Variants in FOXO3 observed in about 807,000 individuals in gnomAD.
The protein encoded by FOXO3 is forkhead box protein O3.
A neutral mutation model predicts 41.9 loss-of-function variants in FOXO3; 4 were observed. That is an observed-to-expected ratio of 0.10 (90% CI 0.05 to 0.22). The LOEUF (loss-of-function observed/expected upper bound fraction) is 0.22, where lower values mean the gene tolerates loss of function less well. FOXO3 is among the 10% of genes least tolerant of loss of function. FOXO3 has a pLI of 1.00. For missense variants in FOXO3, 534 were observed against 906.8 expected (o/e 0.59, Z 5.28); for synonymous variants, 318 against 389.3 (o/e 0.82, Z 2.16).
chr6:108,607,947 T>C (rs1777252852), intron 1 of FOXO3, among the ~76,000 whole-genome samples: 1 of 152,248 alleles, frequency 6.6e-6, no homozygotes, highest in Admixed American at 6.5e-5. Flanking sequence ...CTGGAAGAAC[T>C]AATCTTTATA....
At chr6:108,636,723 A>T (rs924393447) in intron 1 of FOXO3, among the ~76,000 whole-genome samples, 8 of 152,114 alleles carry the variant, frequency 5.3e-5, no homozygotes, top group African/African-American at 1.7e-4. Flanking sequence ...CCTTCCTTTG[A>T]CATATGCCAG....
chr6:108,604,674 T>A (rs1462048087), intron 1 of FOXO3, among the ~76,000 whole-genome samples: 1 of 152,180 alleles, frequency 6.6e-6, no homozygotes, highest in Non-Finnish European at 1.5e-5. Flanking sequence ...ACAGCCAGTT[T>A]GGATGTTTCA....
At chr6:108,657,434 C>G (rs138892714) in intron 1 of FOXO3, among the ~76,000 whole-genome samples, 1 of 152,282 alleles carries the variant, frequency 6.6e-6, no homozygotes, top group Admixed American at 6.5e-5. Flanking sequence ...TGCCTGAGCT[C>G]TAGCAGTAGG....
chr6:108,632,536 T>C (rs1193450101), intron 1 of FOXO3, among the ~76,000 whole-genome samples: 2 of 152,234 alleles, frequency 1.3e-5, no homozygotes, highest in Non-Finnish European at 2.9e-5. Context: ...CACCATGATA[T>C]GGCTGCAGAT....
intron 2 of FOXO3, among the ~76,000 whole-genome samples, chr6:108,669,564 A>G (rs1329978905): frequency 2.0e-5 from 3 of 152,182 alleles, no homozygotes; most frequent in Non-Finnish European, 2.9e-5. Context: ...AGAATTCTGC[A>G]TCTTCAGGGA....
At chr6:108,679,444 T>C (rs189426647) in intron 2 of FOXO3, among the ~76,000 whole-genome samples, 2 of 152,298 alleles carry the variant, frequency 1.3e-5, no homozygotes, top group Non-Finnish European at 1.5e-5. Context: ...GAAAGTCCCA[T>C]GTCCTAGGAA....
intron 1 of FOXO3, among the ~76,000 whole-genome samples, chr6:108,586,980 A>C (rs868135355): frequency 9.2e-6 from 1 of 109,070 alleles, no homozygotes; most frequent in East Asian, 2.8e-4. Context: ...TATTATTATT[A>C]TTATTATTTT....
At chr6:108,639,413 C>T (rs1163434853) in intron 1 of FOXO3, 1 of 279,286 alleles carries the variant, frequency 3.6e-6, no homozygotes, top group Admixed American at 6.5e-5. Context: ...GTCAGAAGCT[C>T]AGTTTGTTGG....
At chr6:108,593,706 C>A (rs372242195) in intron 1 of FOXO3, among the ~76,000 whole-genome samples, 1 of 122,524 alleles carries the variant, frequency 8.2e-6, no homozygotes, top group East Asian at 2.3e-4. Context: ...CTTTTCTTTT[C>A]TTCTTCTTTT....
chr6:108,629,978 T>A (rs1208983561), intron 1 of FOXO3, among the ~76,000 whole-genome samples: 1 of 152,230 alleles, frequency 6.6e-6, no homozygotes, highest in Non-Finnish European at 1.5e-5. Context: ...TTCTTACTAC[T>A]TCCAGGTCAT....
At chr6:108,583,168 T>C (rs1268174946) in intron 1 of FOXO3, among the ~76,000 whole-genome samples, 9 of 152,218 alleles carry the variant, frequency 5.9e-5, no homozygotes, top group Non-Finnish European at 1.5e-5. Flanking sequence ...ACATATGTAA[T>C]GTGCCTGGAT....
At chr6:108,587,845 GAC>G (rs1776625687) in intron 1 of FOXO3, among the ~76,000 whole-genome samples, 1 of 152,194 alleles carries the variant, frequency 6.6e-6, no homozygotes, top group African/African-American at 2.4e-5. Context: ...TCAGCCATAG[GAC>G]ACACATAAAT....
chr6:108,664,130 A>G lies in FOXO3; in HGVS notation c.1297A>G (p.Thr433Ala). The G allele has an allele frequency of 6.2e-7, 1 of 1,614,084 alleles. No individual in the cohort carries two copies. Among genetic ancestry groups the G allele is most frequent in the Non-Finnish European group, 8.5e-7 (1 of 1,180,016 alleles). The change falls in exon 2 of 3, where the codon ACG (threonine) becomes GCG (alanine). Residue 433 changes from threonine to alanine, a missense_variant. This residue lies in a region of FOXO3 where 185 missense variants were observed against 224.9 expected (regional missense o/e 0.82). Coordinates refer to ENST00000406360, the MANE Select transcript of FOXO3 (RefSeq NM_001455.4). ...CTCCCCAACCAGCTCCTTTAACAGC[A>G]CGGTGTTCGGACCTTCATCTCTGAA... is the stretch of plus-strand genomic sequence containing the variant. ...LGSPTSSFNS[T>A]VFGPSSLNSL...
chr6:108,590,748 A>AAT (rs1776712835), intron 1 of FOXO3, among the ~76,000 whole-genome samples: 1 of 152,226 alleles, frequency 6.6e-6, no homozygotes, highest in Non-Finnish European at 1.5e-5. Context: ...AGGAATGAAG[A>AAT]ATTGAGACTG....
chr6:108,575,237 T>G (rs2128358396), intron 1 of FOXO3, among the ~76,000 whole-genome samples: 1 of 152,318 alleles, frequency 6.6e-6, no homozygotes, highest in Non-Finnish European at 1.5e-5. Context: ...CATTGATTTT[T>G]AAAAATGATA....
chr6:108,582,124 C>CAGGAAT (rs1370056090), intron 1 of FOXO3, among the ~76,000 whole-genome samples: 11 of 152,202 alleles, frequency 7.2e-5, no homozygotes, highest in African/African-American at 2.7e-4. Context: ...TTTTCCTGCA[C>CAGGAAT]TCCTAACCCT....
chr6:108,656,606 A>T (rs1778696171), intron 1 of FOXO3: 1 of 645,084 alleles, frequency 1.6e-6, no homozygotes. Flanking sequence ...CTGCTTTTGT[A>T]CTTGGCACTT....
chr6:108,600,371 C>A (rs1777014135), intron 1 of FOXO3, among the ~76,000 whole-genome samples: 1 of 151,850 alleles, frequency 6.6e-6, no homozygotes, highest in Non-Finnish European at 1.5e-5. Context: ...CATGGTGAAA[C>A]CCCACCTCTA....
At chr6:108,609,962 A>T (rs1208862372) in intron 1 of FOXO3, among the ~76,000 whole-genome samples, 2 of 152,156 alleles carry the variant, frequency 1.3e-5, no homozygotes, top group South Asian at 2.1e-4. Context: ...TACATTTTTG[A>T]AAAGAAAACA....
Sources: gnomAD v4.1 joint callset for allele counts (sites outside exome capture counted in the v4.1 genomes callset) on GRCh38, gnomAD v4.1.1 for gene constraint, gnomAD v4.1.1 regional missense constraint, MANE v1.5 for transcripts, NCBI Gene and HGNC (gene_info 2026-07-23, HGNC 2026-07-21) for gene names.